The following EHBP1 variants were observed in gnomAD, a reference collection of about 807,000 sequenced individuals.
The protein encoded by EHBP1 is EH domain-binding protein 1.
Under a neutral mutation model 144.0 loss-of-function variants are expected in EHBP1, and 55 were observed. The ratio of observed to expected loss-of-function variants is 0.38; its 90% CI spans 0.31 to 0.48. The LOEUF is 0.48. Among genes scored for constraint, EHBP1 ranks in the 20% least tolerant of loss-of-function variants. The probability of loss-of-function intolerance (pLI) is 0.98; values close to 1 mark genes in which losing one functional copy is unlikely to be tolerated. For missense variants in EHBP1, 1,200 were observed against 1,364.2 expected (o/e 0.88, Z 1.90); for synonymous variants, 469 against 472.7 (o/e 0.99, Z 0.10).
chr2:62,743,290 T>G (rs2038884915), intron 2 of EHBP1, among the ~76,000 whole-genome samples: 1 of 152,154 alleles, frequency 6.6e-6, no homozygotes, highest in South Asian at 2.1e-4. Flanking sequence ...TTTTTACAAA[T>G]TTTAAATTTA....
At chr2:62,734,426 A>G (rs2037915517) in intron 2 of EHBP1, among the ~76,000 whole-genome samples, 1 of 149,908 alleles carries the variant, frequency 6.7e-6, no homozygotes, top group Non-Finnish European at 1.5e-5. Flanking sequence ...GATGTTTCAA[A>G]TATATATATA....
Position 62,986,967 on chromosome 2 carries a change from T to G in EHBP1, c.2609-3749T>G, listed in dbSNP as rs1012790381. On this transcript the variant is annotated intron_variant, in intron 15 of 22. Coordinates refer to ENST00000431489, the MANE Select transcript of EHBP1 (RefSeq NM_001142616.3). The stretch of plus-strand genomic sequence containing the variant: ...AAAAATCTTCGGAATACCTCACTAC[T>G]AATAAAAGTTGCCCAATTGAAAAAA... Among the ~76,000 whole-genome samples, 10 of 152,102 alleles carry G rather than the reference T, an allele frequency of 6.6e-5. 2 individuals are homozygous for G. In the South Asian group the frequency reaches 2.1e-3, roughly 32 times the overall value.
intron 14 of EHBP1, among the ~76,000 whole-genome samples, chr2:62,977,676 A>G (rs977367722): frequency 2.0e-5 from 3 of 152,172 alleles, no homozygotes; most frequent in African/African-American, 4.8e-5. Flanking sequence ...CCTAGCACAA[A>G]TTATGTGCTA....
At chr2:62,983,055 A>G (rs570842585) in intron 15 of EHBP1, among the ~76,000 whole-genome samples, 1 of 152,164 alleles carries the variant, frequency 6.6e-6, no homozygotes, top group South Asian at 2.1e-4. Flanking sequence ...TCTGTTTGAC[A>G]TACTTGTGGG....
intron 5 of EHBP1, 32 bp from the exon 6 acceptor site, chr2:62,826,055 A>G: frequency 1.4e-6 from 2 of 1,425,102 alleles, no homozygotes; most frequent in South Asian, 1.7e-5. Context: ...ATAACTCAAA[A>G]TTACATACTT....
intron 19 of EHBP1, among the ~76,000 whole-genome samples, chr2:63,025,196 G>A (rs181195102): frequency 6.6e-5 from 10 of 152,242 alleles, no homozygotes; most frequent in Admixed American, 3.9e-4. Flanking sequence ...TCTGAAATAC[G>A]TAATTTGATT....
chr2:62,817,964 T>C (rs534192155), intron 5 of EHBP1, among the ~76,000 whole-genome samples: 2 of 151,944 alleles, frequency 1.3e-5, no homozygotes, highest in South Asian at 4.2e-4. Context: ...ATATAATAAT[T>C]CGGTGATACA....
rs528854594 is a variant in EHBP1, at chr2:63,009,684, A to G, written c.3103+12918A>G. Among the ~76,000 whole-genome samples the G allele has an allele frequency of 3.3e-5, 5 of 151,588 alleles. No individual in the cohort carries two copies. In the East Asian group the frequency reaches 7.7e-4, roughly 23 times the overall value. On this transcript the variant is annotated intron_variant, in intron 19 of 22. Coordinates refer to ENST00000431489, the MANE Select transcript of EHBP1 (RefSeq NM_001142616.3). Reference sequence around the variant, plus strand: ...AAGATGGACTTTATTATGAAGTTCTATTACTGTTAGTCTTATGCAATCTAT... The same window carrying G: ...AAGATGGACTTTATTATGAAGTTCTGTTACTGTTAGTCTTATGCAATCTAT...
chr2:62,777,474 T>C (rs1239026331), intron 5 of EHBP1, among the ~76,000 whole-genome samples: 1 of 152,096 alleles, frequency 6.6e-6, no homozygotes, highest in Non-Finnish European at 1.5e-5. Context: ...AGTTAAGACA[T>C]GCAGAATTTT....
At chr2:62,967,741 A>G (rs2058311689) in intron 14 of EHBP1, among the ~76,000 whole-genome samples, 1 of 152,206 alleles carries the variant, frequency 6.6e-6, no homozygotes, top group Admixed American at 6.5e-5. Context: ...TAGGAGAGGA[A>G]AAATTCCAAA....
Position 62,955,680 on chromosome 2 carries a change from A to C in EHBP1, c.2460+20A>C, listed in dbSNP as rs947692965. The C allele has an allele frequency of 6.3e-7, 1 of 1,594,170 alleles. No homozygotes were observed. Among genetic ancestry groups the C allele is most frequent in the Non-Finnish European group, 8.5e-7 (1 of 1,171,878 alleles). ...AGTGATGTGAGGAGCATTGGTTAAA[A>C]AAGACCATAAGTTGTTCATTGTAAT... On this transcript the variant is annotated intron_variant, in intron 14 of 22. Coordinates refer to ENST00000431489, the MANE Select transcript of EHBP1 (RefSeq NM_001142616.3).
At chr2:62,918,144 G>A (rs1019843228) in intron 10 of EHBP1, among the ~76,000 whole-genome samples, 1 of 151,984 alleles carries the variant, frequency 6.6e-6, no homozygotes, top group African/African-American at 2.4e-5. Context: ...TGATCCACCC[G>A]CCTCAGCCTC....
intron 10 of EHBP1, among the ~76,000 whole-genome samples, chr2:62,938,664 A>T (rs953030595): frequency 6.6e-6 from 1 of 152,194 alleles, no homozygotes; most frequent in Non-Finnish European, 1.5e-5. Flanking sequence ...TTGGAAAGCA[A>T]TAAATTACAA....
chr2:62,712,166 G>A (rs548951535), intron 2 of EHBP1, among the ~76,000 whole-genome samples: 153 of 152,286 alleles, frequency 1.0e-3, no homozygotes, highest in African/African-American at 3.4e-3. Flanking sequence ...AAAGGATCCA[G>A]AACACAAGTG....
chr2:62,824,251 T>C (rs1479145857), intron 5 of EHBP1, among the ~76,000 whole-genome samples: 3 of 151,992 alleles, frequency 2.0e-5, no homozygotes, highest in Non-Finnish European at 4.4e-5. Context: ...ATTAAATAAT[T>C]ATATTAAGGG....
At chr2:62,739,122 C>A (rs1474687572) in intron 2 of EHBP1, among the ~76,000 whole-genome samples, 1 of 152,218 alleles carries the variant, frequency 6.6e-6, no homozygotes, top group Non-Finnish European at 1.5e-5. Context: ...TCTTATTTCA[C>A]AGATGAGGAA....
intron 2 of EHBP1, among the ~76,000 whole-genome samples, chr2:62,732,488 A>C (rs992860933): frequency 6.6e-6 from 1 of 152,068 alleles, no homozygotes. Context: ...GACAATTTCT[A>C]ATGGTTTAGC....
At position 62,854,361 on chromosome 2, in the gene EHBP1, A is replaced by C. The variant is rs140032038; in HGVS notation, c.635-4808A>C. Among the ~76,000 whole-genome samples the C allele has an allele frequency of 6.5e-3, 997 of 152,334 alleles. 10 individuals carry two copies. Among genetic ancestry groups the C allele is most frequent in the African/African-American group, 0.022 (920 of 41,564 alleles). ...TCAAGAATTTTTTCTTTGCATTCATAACTTGTCTAACTGTTTAGCACAAGA... is the reference window on the plus strand; with the variant it reads ...TCAAGAATTTTTTCTTTGCATTCATCACTTGTCTAACTGTTTAGCACAAGA... On this transcript the variant is annotated intron_variant, in intron 7 of 22. Coordinates refer to ENST00000431489, the MANE Select transcript of EHBP1 (RefSeq NM_001142616.3).
chr2:62,926,475 C>G (rs1163268137), intron 10 of EHBP1, among the ~76,000 whole-genome samples: 2 of 152,054 alleles, frequency 1.3e-5, no homozygotes, highest in African/African-American at 4.8e-5. Flanking sequence ...GAAACTGAAA[C>G]ATCCCAATAG....
Sources: allele counts gnomAD v4.1 joint callset (sites outside exome capture counted in the v4.1 genomes callset), GRCh38; gene constraint gnomAD v4.1.1; transcripts MANE v1.5; gene names NCBI Gene and HGNC (gene_info 2026-07-23, HGNC 2026-07-21).